The following KCNK2 variants were observed in gnomAD, a reference collection of about 807,000 sequenced individuals.
KCNK2 encodes the protein potassium two pore domain channel subfamily K member 2.
In KCNK2, 21 loss-of-function variants were observed where a neutral mutation model predicts 40.5. The ratio of observed to expected loss-of-function variants is 0.52; its 90% CI spans 0.37 to 0.75. The LOEUF (loss-of-function observed/expected upper bound fraction) is 0.75, where lower values mean the gene tolerates loss of function less well. Ranked by LOEUF, KCNK2 falls within the 30% of genes least tolerant of loss-of-function variation. The pLI, the probability that KCNK2 is intolerant of heterozygous loss-of-function variation, is 0.00. For synonymous variants in KCNK2, 191 were observed against 202.2 expected, an observed-to-expected ratio of 0.94 and a Z score of 0.47; for missense variants, 399 against 531.6, an observed-to-expected ratio of 0.75 and a Z score of 2.45.
intron 3 of KCNK2, among the ~76,000 whole-genome samples, chr1:215,157,475 C>T (rs1394834410): frequency 6.6e-6 from 1 of 152,226 alleles, no homozygotes; most frequent in South Asian, 2.1e-4. Flanking sequence ...CTTCTCTATT[C>T]CTCAAGCTCT....
intron 5 of KCNK2, among the ~76,000 whole-genome samples, chr1:215,183,491 C>A (rs527866748): frequency 1.3e-5 from 2 of 152,200 alleles, no homozygotes; most frequent in South Asian, 4.2e-4. Flanking sequence ...TGTGTTATTT[C>A]AACTGCCATT....
At chr1:215,100,558 C>G (rs1660163831) in intron 2 of KCNK2, among the ~76,000 whole-genome samples, 1 of 151,890 alleles carries the variant, frequency 6.6e-6, no homozygotes, top group Admixed American at 6.6e-5. Flanking sequence ...GACTTTGCCT[C>G]TTTTAGTTAA....
intron 1 of KCNK2, among the ~76,000 whole-genome samples, chr1:215,031,331 A>G (rs1252688710): frequency 6.6e-6 from 1 of 152,160 alleles, no homozygotes; most frequent in Non-Finnish European, 1.5e-5. Context: ...TGACATCTTG[A>G]CTATATAGAG....
At position 215,129,837 on chromosome 1, in the gene KCNK2, G is replaced by A. The variant is rs998829591; in HGVS notation, c.475+5087G>A. Among the ~76,000 whole-genome samples, 3 of 152,312 alleles carry A rather than the reference G, an allele frequency of 2.0e-5. No homozygotes were observed. In the East Asian group the frequency reaches 5.8e-4, roughly 29 times the overall value. ...AGCAAAAGACAAACAAGCATGATGT[G>A]ATGCTGGCTGTCATTCAGAAGGCAA... is the stretch of plus-strand genomic sequence containing the variant. On this transcript the variant is annotated intron_variant, in intron 3 of 6. Transcript: ENST00000444842.
At chr1:215,223,228 A>G (rs1427624712) in intron 6 of KCNK2, among the ~76,000 whole-genome samples, 1 of 119,916 alleles carries the variant, frequency 8.3e-6, no homozygotes, top group Non-Finnish European at 1.8e-5. Context: ...TCTGTACAGA[A>G]TAAGCTCTTT....
intron 5 of KCNK2, among the ~76,000 whole-genome samples, chr1:215,186,621 G>A (rs577824848): frequency 6.6e-5 from 10 of 152,308 alleles, no homozygotes; most frequent in Admixed American, 5.9e-4. Flanking sequence ...GTGTCTCTGT[G>A]TATGTGACTG....
intron 1 of KCNK2, among the ~76,000 whole-genome samples, chr1:215,021,011 A>G (rs1656767752): frequency 6.6e-6 from 1 of 152,182 alleles, no homozygotes; most frequent in Non-Finnish European, 1.5e-5. Context: ...ATTATTTTAA[A>G]TAATTCAAAT....
chr1:215,135,013 G>T (rs911331962), intron 3 of KCNK2, among the ~76,000 whole-genome samples: 4 of 151,918 alleles, frequency 2.6e-5, no homozygotes, highest in African/African-American at 9.7e-5. Flanking sequence ...AATTTCAGTG[G>T]TACCTGTAGA....
At chr1:215,112,963 G>A (rs1055369077) in intron 2 of KCNK2, among the ~76,000 whole-genome samples, 4 of 151,972 alleles carry the variant, frequency 2.6e-5, no homozygotes, top group Non-Finnish European at 5.9e-5. Flanking sequence ...GTGTAGTCAC[G>A]TGTCGCTTAA....
At chr1:215,092,456 A>G (rs186192497) in intron 2 of KCNK2, among the ~76,000 whole-genome samples, 1 of 152,306 alleles carries the variant, frequency 6.6e-6, no homozygotes, top group African/African-American at 2.4e-5. Context: ...ACAGATCCAC[A>G]GTTTATTGCA....
intron 1 of KCNK2, among the ~76,000 whole-genome samples, chr1:215,021,904 GT>G (rs1656810679): frequency 6.6e-6 from 1 of 151,990 alleles, no homozygotes; most frequent in South Asian, 2.1e-4. Context: ...AGACCTTTGG[GT>G]TCTGATATTG....
At chr1:215,054,919 T>C (rs1459563548) in intron 1 of KCNK2, among the ~76,000 whole-genome samples, 1 of 152,220 alleles carries the variant, frequency 6.6e-6, no homozygotes, top group Non-Finnish European at 1.5e-5. Context: ...CATGTAACCA[T>C]ATCATTAAAT....
intron 1 of KCNK2, among the ~76,000 whole-genome samples, chr1:215,071,221 T>A (rs1480133784): frequency 6.6e-6 from 1 of 152,208 alleles, no homozygotes; most frequent in Admixed American, 6.5e-5. Flanking sequence ...GATTTTGACA[T>A]GTCTTGTGAT....
chr1:215,169,151 G>T (rs762880935), intron 3 of KCNK2, 48 bp from the exon 4 acceptor site: 8 of 1,476,690 alleles, frequency 5.4e-6, no homozygotes, highest in Admixed American at 4.3e-5. Flanking sequence ...GAGTTCATAT[G>T]TTTTAAACAA....
At position 215,103,612 on chromosome 1, in the gene KCNK2, C is replaced by A. The variant is rs879306550; in HGVS notation, c.357+16934C>A. ...CATTTGGCTCTTGATTTAAGCAGGCCTAAAAATCTATTTCATGAGGGTAAT... is the reference window on the plus strand; with the variant it reads ...CATTTGGCTCTTGATTTAAGCAGGCATAAAAATCTATTTCATGAGGGTAAT... On this transcript the variant is annotated intron_variant, in intron 2 of 6. Coordinates refer to ENST00000444842, the MANE Select transcript of KCNK2 (RefSeq NM_001017425.3). Among the ~76,000 whole-genome samples, 10 of 151,908 alleles carry A rather than the reference C, an allele frequency of 6.6e-5. No individual in the cohort carries two copies. The East Asian group carries it at 1.9e-3, about 29-fold the overall frequency.
intron 1 of KCNK2, among the ~76,000 whole-genome samples, chr1:215,023,246 G>A (rs1371210946): frequency 2.6e-5 from 4 of 152,054 alleles, no homozygotes; most frequent in Admixed American, 1.3e-4. Context: ...TGTATGGTGA[G>A]AGAATGAAAT....
chr1:215,088,696 T>G (rs2102533396), intron 2 of KCNK2, among the ~76,000 whole-genome samples: 1 of 152,316 alleles, frequency 6.6e-6, no homozygotes, highest in Admixed American at 6.5e-5. Flanking sequence ...TAAAGATAAC[T>G]TGAAGGTCAT....
chr1:215,036,664 A>G (rs1408156551), intron 1 of KCNK2, among the ~76,000 whole-genome samples: 1 of 151,920 alleles, frequency 6.6e-6, no homozygotes, highest in Admixed American at 6.6e-5. Context: ...TAATCTTTGA[A>G]TATACTCTCC....
At chr1:215,094,669 TTATTAA>T (rs1446572577) in intron 2 of KCNK2, among the ~76,000 whole-genome samples, 7 of 152,230 alleles carry the variant, frequency 4.6e-5, no homozygotes, top group South Asian at 2.1e-4. Flanking sequence ...CATGTACTAT[TTATTAA>T]TAATTAGGTT....
Sources: allele counts gnomAD v4.1 joint callset (sites outside exome capture counted in the v4.1 genomes callset), GRCh38; gene constraint gnomAD v4.1.1; transcripts MANE v1.5; gene names NCBI Gene and HGNC (gene_info 2026-07-23, HGNC 2026-07-21).